The following TAF11L2 variants were observed in gnomAD, a reference collection of about 807,000 sequenced individuals.
TAF11L2 encodes TATA-box binding protein associated factor 11 like protein 2.
chr5:17,498,285 G>T (rs757821821), exon 1 of TAF11L2: 2 of 398,616 alleles, frequency 5.0e-6, no homozygotes, highest in Non-Finnish European at 8.8e-6. Context: ...CATGCCCCGA[G>T]ATCTGAAGGG....
At chr5:17,498,480 C>A (rs941663470) in exon 1 of TAF11L2, 1 of 399,016 alleles carries the variant, frequency 2.5e-6, no homozygotes, top group Non-Finnish European at 4.4e-6. Flanking sequence ...GGAGAGGAAG[C>A]CCACTGTGGA....
chr5:17,498,318 G>A (rs557298724), exon 1 of TAF11L2: 4 of 398,428 alleles, frequency 1.0e-5, no homozygotes, highest in Admixed American at 4.4e-5. Context: ...TGGAATCCCT[G>A]AGGACCTAGA....
exon 1 of TAF11L2, chr5:17,498,244 G>A (rs573087356): frequency 1.9e-4 from 75 of 398,620 alleles, no homozygotes; most frequent in African/African-American, 7.9e-4. Flanking sequence ...GAGACAGGCA[G>A]GCAAACAGGT....
exon 1 of TAF11L2, chr5:17,498,784 A>G (rs1738271255): frequency 1.8e-5 from 7 of 398,710 alleles, no homozygotes. Context: ...TTAAAGCCCA[A>G]GGGCCTCTTC....
Position 17,498,641 on chromosome 5 carries a change from C to T in TAF11L2, c.411C>T (p.Asn137=), listed in dbSNP as rs374034391. The change falls in exon 1 of 1, where the codon AAC becomes AAT. Residue 137 remains asparagine (N), a synonymous_variant. Coordinates refer to ENST00000639081, the Ensembl canonical transcript of TAF11L2. ...TCACTGGCAGATCGGTGTCTGAGAA[C>T]GTGGCGATTGCCATGGCTGGAATAG... 83 of 398,716 alleles carry T rather than the reference C, an allele frequency of 2.1e-4. 2 individuals carry two copies. The highest frequency in any genetic ancestry group is 8.6e-4 in the East Asian group (24 of 28,068). 24.7% of individuals were successfully genotyped at this position (398,716 alleles called of 1,614,324 possible). A position where few individuals can be genotyped will look rare whatever the true frequency, so the allele number is the denominator to read the frequency against.
chr5:17,498,629 G>A (rs1467161043), exon 1 of TAF11L2: 4 of 398,660 alleles, frequency 1.0e-5, no homozygotes, highest in Non-Finnish European at 1.3e-5. Flanking sequence ...CTGGCAGATC[G>A]GTGTCTGAGA....
At chr5:17,498,261 G>A in exon 1 of TAF11L2, 1 of 398,602 alleles carries the variant, frequency 2.5e-6, no homozygotes, top group Admixed American at 4.4e-5. Context: ...AGGTGTGTCT[G>A]CTGAGATGTT....
exon 1 of TAF11L2, chr5:17,498,340 A>G (rs1180351898): frequency 4.0e-5 from 16 of 398,432 alleles, no homozygotes; most frequent in Non-Finnish European, 6.2e-5. Flanking sequence ...GGGAACTTGG[A>G]AGAACCCAGG....
chr5:17,498,736 C>T (rs954353500), exon 1 of TAF11L2: 9 of 398,566 alleles, frequency 2.3e-5, no homozygotes, highest in Middle Eastern at 6.3e-4. Context: ...GAAATGCCCC[C>T]ACTGCAGCCC....
At chr5:17,498,627 TC>T in the TAF11L2 span, 1 of 398,674 alleles carries the variant, frequency 2.5e-6, no homozygotes, top group East Asian at 3.6e-5. Flanking sequence ...CACTGGCAGA[TC>T]GGTGTCTGAG....
chr5:17,498,392 C>T (rs750370082), exon 1 of TAF11L2: 6 of 398,584 alleles, frequency 1.5e-5, no homozygotes, highest in Admixed American at 1.3e-4. Flanking sequence ...TCATGGACCT[C>T]ACAGAAGGTG....
exon 1 of TAF11L2, chr5:17,498,590 A>G: frequency 2.5e-6 from 1 of 398,878 alleles, no homozygotes; most frequent in Admixed American, 4.4e-5. Flanking sequence ...TCCCAAAAGC[A>G]TGCATTGCGG....
exon 1 of TAF11L2, chr5:17,498,314 C>T: frequency 2.5e-6 from 1 of 398,538 alleles, no homozygotes; most frequent in Admixed American, 4.4e-5. Flanking sequence ...AGGATGGAAT[C>T]CCTGAGGACC....
chr5:17,498,615 A>G (rs1738267235), exon 1 of TAF11L2: 1 of 398,654 alleles, frequency 2.5e-6, no homozygotes, highest in Non-Finnish European at 4.4e-6. Flanking sequence ...GATGCGGTCT[A>G]TCACTGGCAG....
exon 1 of TAF11L2, chr5:17,498,737 A>G (rs2457752): frequency 0.7 from 277,923 of 398,268 alleles, 99,689 homozygotes; most frequent in Non-Finnish European, 0.75. Flanking sequence ...AAATGCCCCC[A>G]CTGCAGCCCA....
At chr5:17,498,253 G>A (rs1160403496) in exon 1 of TAF11L2, 5 of 398,436 alleles carry the variant, frequency 1.3e-5, no homozygotes, top group East Asian at 3.6e-5. Flanking sequence ...AGGCAAACAG[G>A]TGTGTCTGCT....
At chr5:17,498,587 A>G (rs1324210303) in exon 1 of TAF11L2, 7 of 398,854 alleles carry the variant, frequency 1.8e-5, no homozygotes, top group East Asian at 1.1e-4. Context: ...CTTTCCCAAA[A>G]GCATGCATTG....
At chr5:17,498,551 C>A (rs1738263994) in exon 1 of TAF11L2, 1 of 398,760 alleles carries the variant, frequency 2.5e-6, no homozygotes, top group African/African-American at 2.1e-5. Context: ...AGCAGCTGTC[C>A]CGCTACGAAG....
At chr5:17,498,251 A>C (rs1044861978) in exon 1 of TAF11L2, 8 of 398,418 alleles carry the variant, frequency 2.0e-5, no homozygotes, top group African/African-American at 1.5e-4. Context: ...GCAGGCAAAC[A>C]GGTGTGTCTG....
Sources: allele counts gnomAD v4.1 joint callset, GRCh38; gene constraint gnomAD v4.1.1; transcripts MANE v1.5; gene names NCBI Gene and HGNC (gene_info 2026-07-23, HGNC 2026-07-21).